Variants in ZNF324B observed in about 807,000 individuals in gnomAD.
ZNF324B encodes zinc finger protein 324B.
ZNF324B carries 7 observed loss-of-function variants against 10.6 expected under a neutral mutation model. That is an observed-to-expected ratio of 0.66 (90% confidence interval 0.38 to 1.24). The LOEUF (loss-of-function observed/expected upper bound fraction) is 1.24, where lower values mean the gene tolerates loss of function less well. Ranked by LOEUF, ZNF324B falls within the 50% of genes most tolerant of loss-of-function variation. The probability of loss-of-function intolerance (pLI) is 0.02; values close to 1 mark genes in which losing one functional copy is unlikely to be tolerated. For synonymous variants in ZNF324B, 316 were observed against 321.0 expected, an observed-to-expected ratio of 0.98 and a Z score of 0.17; for missense variants, 640 against 764.7, an observed-to-expected ratio of 0.84 and a Z score of 1.92.
At chr19:58,423,542 A>AT in the ZNF324B span, among the ~76,000 whole-genome samples, 1 of 152,194 alleles carries the variant, frequency 6.6e-6, no homozygotes, top group African/African-American at 2.4e-5. Context: ...TATCAAATGC[A>AT]TTTTTTCCCC....
chr19:58,434,624 C>T, the ZNF324B span: 1 of 1,614,222 alleles, frequency 6.2e-7, no homozygotes, highest in Non-Finnish European at 8.5e-7. Flanking sequence ...GATTTCTCCT[C>T]TAAGAAATTT....
chr19:58,451,617 G>A (rs1047847890), upstream of ZNF324B: 3 of 517,390 alleles, frequency 5.8e-6, no homozygotes, highest in Non-Finnish European at 7.7e-6. Flanking sequence ...TCCGGCGTTG[G>A]GACTGTCACT....
At chr19:58,441,500 A>T in the ZNF324B span, 9 of 152,232 alleles carry the variant, frequency 5.9e-5, no homozygotes, top group African/African-American at 2.2e-4. Flanking sequence ...GGACCATCCC[A>T]AGTAGTTAGG....
the ZNF324B span, among the ~76,000 whole-genome samples, chr19:58,428,130 C>A: frequency 6.6e-6 from 1 of 152,172 alleles, no homozygotes; most frequent in Non-Finnish European, 1.5e-5. Flanking sequence ...TTATCATTGT[C>A]CATCCCCTCA....
the ZNF324B span, chr19:58,433,172 G>A: frequency 5.0e-6 from 4 of 805,116 alleles, no homozygotes; most frequent in East Asian, 1.1e-4. Flanking sequence ...CCCTGCAAAG[G>A]TTCCTGGGCT....
Position 58,455,576 on chromosome 19 carries a change from C to T in ZNF324B, c.632C>T (p.Ser211Leu), listed in dbSNP as rs752106680. Residue 211 changes from serine (S) to leucine (L), a missense_variant, in exon 4 of 4, where the codon TCG (serine) becomes TTG (leucine). Ser to Leu is a moderately radical substitution (Grantham distance 145). Around this residue, in one of 3 missense-constraint regions of ZNF324B, gnomAD observed 345 missense variants for 387.9 expected, o/e 0.89. Transcript: ENST00000336614. The surrounding 1 kb of genome is among the most constrained non-coding windows in gnomAD (Gnocchi z 7.0). ...CCTGGGAGAGCCTTCGGGAATGCCTCGGACCTGAAGGCCGCCAGTGGTGGC... is the reference window on the plus strand; with the variant it reads ...CCTGGGAGAGCCTTCGGGAATGCCTTGGACCTGAAGGCCGCCAGTGGTGGC... ...EVPGRAFGNA[S>L]DLKAASGGRD... 42 of 1,614,008 alleles carry T rather than the reference C, an allele frequency of 2.6e-5. No individual in the cohort carries two copies. Among genetic ancestry groups the T allele is most frequent in the Non-Finnish European group, 3.1e-5 (37 of 1,180,034 alleles).
chr19:58,426,936 T>G, the ZNF324B span, among the ~76,000 whole-genome samples: 2 of 152,182 alleles, frequency 1.3e-5, no homozygotes, highest in Non-Finnish European at 2.9e-5. Context: ...GCTGGTAACC[T>G]GGACAGCTCA....
At position 58,456,573 on chromosome 19, in the gene ZNF324B, G is replaced by T. The variant is rs1568606277; in HGVS notation, c.1629G>T (p.Lys543Asn). The change falls in exon 4 of 4, where the codon AAG becomes AAT. Residue 543 changes from lysine to asparagine, a missense_variant. Physicochemically the swap from Lys to Asn is moderately conservative, Grantham distance 94 (BLOSUM62 0). Around this residue, in one of 3 missense-constraint regions of ZNF324B, gnomAD observed 238 missense variants for 258.0 expected, o/e 0.92. Transcript: ENST00000336614. This position sits in a 1 kb window ranked among gnomAD's most constrained non-coding sequence, Gnocchi z 4.7. ...GKPSPVLKPAKV is the reference protein window; with the variant it reads ...GKPSPVLKPANV Reference sequence around the variant, plus strand: ...CAAGCCCAGTCCTGAAGCCAGCGAAGGTCTGAGGTCACAGGTCGCAGCCCA... The same window carrying T: ...CAAGCCCAGTCCTGAAGCCAGCGAATGTCTGAGGTCACAGGTCGCAGCCCA... The T allele has an allele frequency of 6.2e-7, 1 of 1,613,140 alleles. No homozygotes were observed. The highest frequency in any genetic ancestry group is 8.5e-7 in the Non-Finnish European group (1 of 1,179,326).
At chr19:58,436,285 A>AC in the ZNF324B span, 1 of 154,286 alleles carries the variant, frequency 6.5e-6, no homozygotes, top group Non-Finnish European at 1.5e-5. Context: ...CAATGATTAT[A>AC]CCATGTGAAA....
chr19:58,447,932 G>T (rs547060426), upstream of ZNF324B, among the ~76,000 whole-genome samples: 21 of 152,280 alleles, frequency 1.4e-4, no homozygotes, highest in African/African-American at 5.1e-4. Context: ...GCTCTCATTT[G>T]CTCTTACCTG....
chr19:58,432,387 C>T, the ZNF324B span: 3 of 483,844 alleles, frequency 6.2e-6, no homozygotes, highest in African/African-American at 3.9e-5. Context: ...TGCACAGTCC[C>T]AGTTGATGGG....
the ZNF324B span, chr19:58,433,180 G>A: frequency 2.4e-6 from 2 of 850,616 alleles, no homozygotes; most frequent in South Asian, 1.8e-5. Context: ...AGGTTCCTGG[G>A]CTGGTCAGAA....
the ZNF324B span, chr19:58,445,856 TG>T: frequency 5.1e-6 from 1 of 195,458 alleles, no homozygotes; most frequent in South Asian, 8.3e-5. Context: ...AAAACACAGC[TG>T]GGTGCAGTGG....
chr19:58,446,507 A>C, the ZNF324B span, among the ~76,000 whole-genome samples: 3 of 150,364 alleles, frequency 2.0e-5, no homozygotes, highest in African/African-American at 7.4e-5. Context: ...ATGCTCACTC[A>C]TGATGGGGTT....
Position 58,456,234 on chromosome 19 carries a change from C to T in ZNF324B, c.1290C>T (p.Cys430=), listed in dbSNP as rs767355218. The T allele has an allele frequency of 5.6e-6, 9 of 1,613,000 alleles. No individual in the cohort carries two copies. The highest frequency in any genetic ancestry group is 1.3e-5 in the African/African-American group (1 of 75,058). ...TGEKPFACAQ[C]GRSFSRSSNL... is the part of the protein sequence containing the mutation. ...AGAAGCCCTTCGCCTGCGCCCAGTG[C>T]GGCCGCTCCTTTAGCCGCAGCTCCA... The change falls in exon 4 of 4, where the codon TGC becomes TGT. Residue 430 remains cysteine (C), a synonymous_variant. Coordinates refer to ENST00000336614, the MANE Select transcript of ZNF324B (RefSeq NM_207395.3). The surrounding 1 kb of genome is among the most constrained non-coding windows in gnomAD (Gnocchi z 4.7).
Position 58,456,017 on chromosome 19 carries a change from A to T in ZNF324B, c.1073A>T (p.Gln358Leu), listed in dbSNP as rs780793278. ...KAFSHGSNLS[Q>L]HRKIHAGGRP... ...TTCAGCCACGGCTCCAACCTCAGCC[A>T]GCACCGCAAGATCCACGCGGGTGGG... The change falls in exon 4 of 4, where the codon CAG (glutamine) becomes CTG (leucine). Residue 358 changes from glutamine to leucine, a missense_variant. Physicochemically the swap from Gln to Leu is moderately radical, Grantham distance 113. Around this residue, in one of 3 missense-constraint regions of ZNF324B, gnomAD observed 57 missense variants for 118.8 expected, o/e 0.48. Transcript: ENST00000336614. This position sits in a 1 kb window ranked among gnomAD's most constrained non-coding sequence, Gnocchi z 4.7. 5.6e-6 allele frequency: 9 copies of T among 1,599,266 alleles called. No homozygotes were observed. Among genetic ancestry groups the T allele is most frequent in the Non-Finnish European group, 6.8e-6 (8 of 1,171,486 alleles).
chr19:58,443,269 T>C, the ZNF324B span: 1 of 152,040 alleles, frequency 6.6e-6, no homozygotes, highest in African/African-American at 2.4e-5. Flanking sequence ...TGCTGATTGG[T>C]GCGTTTACAA....
At chr19:58,446,573 CT>C in the ZNF324B span, among the ~76,000 whole-genome samples, 825 of 102,516 alleles carry the variant, frequency 8.0e-3, 4 homozygotes, top group African/African-American at 0.028. Flanking sequence ...ATTTCTTTCT[CT>C]TTTTTTTTTT....
At chr19:58,419,858 C>T in the ZNF324B span, among the ~76,000 whole-genome samples, 2 of 152,254 alleles carry the variant, frequency 1.3e-5, no homozygotes, top group East Asian at 3.9e-4. Context: ...TGTCACGCAG[C>T]CTGGAGTGTA....
Sources: allele counts gnomAD v4.1 joint callset (sites outside exome capture counted in the v4.1 genomes callset), GRCh38; gene constraint gnomAD v4.1.1; regional missense constraint gnomAD v4.1.1; non-coding constraint Gnocchi (gnomAD v3.1); transcripts MANE v1.5; gene names NCBI Gene and HGNC (gene_info 2026-07-23, HGNC 2026-07-21).